Variants in KYNU observed in about 807,000 individuals in gnomAD.
KYNU encodes L-kynurenine hydrolase.
In KYNU, 54 loss-of-function variants were observed where a neutral mutation model predicts 59.2. The ratio of observed to expected loss-of-function variants is 0.91; its 90% CI spans 0.73 to 1.14. The LOEUF is 1.14. Ranked by LOEUF, KYNU falls within the 50% of genes most tolerant of loss-of-function variation. The pLI is 0.00. For synonymous variants in KYNU, 177 were observed against 192.0 expected, an observed-to-expected ratio of 0.92 and a Z score of 0.65; for missense variants, 567 against 554.4, an observed-to-expected ratio of 1.02 and a Z score of -0.23.
intron 8 of KYNU, among the ~76,000 whole-genome samples, chr2:142,972,547 T>C (rs1684756410): frequency 6.6e-6 from 1 of 152,144 alleles, no homozygotes; most frequent in African/African-American, 2.4e-5. Context: ...TTTCTGGTAC[T>C]TGACATGTAT....
At chr2:143,005,167 C>T (rs352885) in intron 10 of KYNU, among the ~76,000 whole-genome samples, 26,738 of 152,036 alleles carry the variant, frequency 0.18, 3,006 homozygotes, top group African/African-American at 0.31. Flanking sequence ...TCAAGTCTGA[C>T]ACTAGCAAAT....
intron 2 of KYNU, among the ~76,000 whole-genome samples, chr2:142,896,533 C>A (rs966832872): frequency 6.6e-6 from 1 of 151,248 alleles, no homozygotes; most frequent in South Asian, 2.1e-4. Flanking sequence ...GATTTTGGAG[C>A]TTTTTGTTTT....
Position 143,001,552 on chromosome 2 carries a change from C to T in KYNU, c.902+15531C>T, listed in dbSNP as rs1424670587. 3.3e-5 allele frequency among the ~76,000 whole-genome samples: 5 copies of T among 152,296 alleles called. No homozygotes were observed. In the South Asian group the frequency reaches 1.0e-3, roughly 32 times the overall value. Reference sequence around the variant, plus strand: ...CTCAGCCCTACTTTTCACCTCTGCTCTTCCATTCAGTTTCCAGGGACCGAG... The same window carrying T: ...CTCAGCCCTACTTTTCACCTCTGCTTTTCCATTCAGTTTCCAGGGACCGAG... On this transcript the variant is annotated intron_variant, in intron 10 of 13. Coordinates refer to ENST00000264170, the MANE Select transcript of KYNU (RefSeq NM_003937.3).
intron 10 of KYNU, among the ~76,000 whole-genome samples, chr2:142,993,042 T>A (rs140075889): frequency 1.9e-3 from 294 of 152,062 alleles, no homozygotes; most frequent in African/African-American, 6.9e-3. Context: ...TGGGAAGAGC[T>A]TGAGCAAGGA....
intron 5 of KYNU, 48 bp downstream of exon 5, chr2:142,954,919 T>G: frequency 8.5e-7 from 1 of 1,170,494 alleles, no homozygotes; most frequent in Non-Finnish European, 1.3e-6. Flanking sequence ...ATTTACAGAA[T>G]CTGATGTTTT....
rs373875179 is a variant in KYNU, at chr2:142,949,475, C to G, written c.374-5335C>G. Among the ~76,000 whole-genome samples, 4 of 152,348 alleles carry G rather than the reference C, an allele frequency of 2.6e-5. No homozygotes were observed. In the South Asian group the frequency reaches 8.3e-4, roughly 32 times the overall value. On this transcript the variant is annotated intron_variant, in intron 4 of 13. Transcript: ENST00000264170. Reference sequence around the variant, plus strand: ...ATCTTCTGAAATCTAGGCAGAGGTGCCCAAACCTTGACTTCTGTGCACTCA... The same window carrying G: ...ATCTTCTGAAATCTAGGCAGAGGTGGCCAAACCTTGACTTCTGTGCACTCA...
At chr2:143,017,058 A>G (rs567049896) in intron 10 of KYNU, among the ~76,000 whole-genome samples, 1 of 152,262 alleles carries the variant, frequency 6.6e-6, no homozygotes, top group Middle Eastern at 3.4e-3. Flanking sequence ...AGTTGCATCC[A>G]TGTTGCTGAA....
At chr2:142,927,156 G>A (rs1683069615) in intron 3 of KYNU, among the ~76,000 whole-genome samples, 1 of 152,076 alleles carries the variant, frequency 6.6e-6, no homozygotes, top group South Asian at 2.1e-4. Flanking sequence ...TATTGGCTTT[G>A]ATTATTCATA....
intron 2 of KYNU, 31 bp downstream of exon 2, chr2:142,885,567 AT>A: frequency 6.6e-7 from 1 of 1,516,502 alleles, no homozygotes; most frequent in Non-Finnish European, 9.0e-7. Context: ...TTTAAATTTT[AT>A]TTATTTATTT....
intron 10 of KYNU, among the ~76,000 whole-genome samples, chr2:143,006,778 A>T (rs1469468857): frequency 2.6e-5 from 4 of 151,362 alleles, no homozygotes; most frequent in Non-Finnish European, 4.4e-5. Context: ...ACTGGGAGGC[A>T]CCCCCCAGCA....
intron 11 of KYNU, among the ~76,000 whole-genome samples, chr2:143,031,808 G>A (rs1368001146): frequency 6.6e-6 from 1 of 152,184 alleles, no homozygotes; most frequent in African/African-American, 2.4e-5. Flanking sequence ...CTGCTATAAA[G>A]ATACCACCTG....
At chr2:142,981,524 C>T (rs146937041) in intron 8 of KYNU, among the ~76,000 whole-genome samples, 175 of 151,976 alleles carry the variant, frequency 1.2e-3, no homozygotes, top group African/African-American at 4.1e-3. Context: ...GTCTCCAAAC[C>T]TAGGTTGTGA....
chr2:142,950,616 G>A (rs1032174101), intron 4 of KYNU, among the ~76,000 whole-genome samples: 2 of 152,158 alleles, frequency 1.3e-5, no homozygotes, highest in Non-Finnish European at 2.9e-5. Flanking sequence ...GTCCCGCCAG[G>A]TCCCTCCCAC....
chr2:142,923,744 T>C (rs1682962604), intron 3 of KYNU, among the ~76,000 whole-genome samples: 1 of 152,260 alleles, frequency 6.6e-6, no homozygotes, highest in Non-Finnish European at 1.5e-5. Context: ...ATCTGCTACA[T>C]AAAGGGTGTT....
At chr2:142,969,516 G>A (rs887037421) in intron 8 of KYNU, among the ~76,000 whole-genome samples, 1 of 152,182 alleles carries the variant, frequency 6.6e-6, no homozygotes, top group African/African-American at 2.4e-5. Flanking sequence ...ATGTTGGTGA[G>A]GATCAGTGCC....
intron 8 of KYNU, among the ~76,000 whole-genome samples, chr2:142,963,405 G>A (rs1197200371): frequency 6.6e-6 from 1 of 152,268 alleles, no homozygotes; most frequent in Middle Eastern, 3.4e-3. Flanking sequence ...CAGTTCTGGA[G>A]GCTGGGAAGT....
intron 7 of KYNU, among the ~76,000 whole-genome samples, chr2:142,958,785 T>C (rs572929779): frequency 2.6e-5 from 4 of 152,328 alleles, no homozygotes; most frequent in East Asian, 1.9e-4. Context: ...TATCCTGTCG[T>C]TGAAAAATGT....
At chr2:142,923,143 CAT>C (rs1380519782) in intron 3 of KYNU, among the ~76,000 whole-genome samples, 6 of 152,190 alleles carry the variant, frequency 3.9e-5, no homozygotes, top group Non-Finnish European at 7.3e-5. Flanking sequence ...CAAATTTTAA[CAT>C]AAGAATTTGA....
chr2:142,976,216 A>G lies in KYNU; in HGVS notation c.730-8868A>G, dbSNP rs1274231400. ...TGACCGAAGCCATGCTGCTGGGGCT[A>G]TGTGTGGAAGGAGGTCACTGTGTCC... On this transcript the variant is annotated intron_variant, in intron 8 of 13. Transcript: ENST00000264170. Among the ~76,000 whole-genome samples, 15 of 152,334 alleles carry G rather than the reference A, an allele frequency of 9.8e-5. No individual in the cohort carries two copies. In the East Asian group the frequency reaches 2.5e-3, roughly 25 times the overall value.
Sources: allele counts gnomAD v4.1 joint callset (sites outside exome capture counted in the v4.1 genomes callset), GRCh38; gene constraint gnomAD v4.1.1; transcripts MANE v1.5; gene names NCBI Gene and HGNC (gene_info 2026-07-23, HGNC 2026-07-21).